AGTR1: variants seen among roughly 807,000 people sequenced by gnomAD.
AGTR1 encodes angiotensin II receptor type 1, also known as type-1 angiotensin II receptor.
In AGTR1, 16 loss-of-function variants were observed where a neutral mutation model predicts 19.4. That is an observed-to-expected ratio of 0.82 (90% CI 0.56 to 1.25). AGTR1 has a LOEUF of 1.25. Among genes scored for constraint, AGTR1 ranks in the 50% most tolerant of loss-of-function variants. The pLI, the probability that AGTR1 is intolerant of heterozygous loss-of-function variation, is 0.00. For synonymous variants in AGTR1, 153 were observed against 154.9 expected, an observed-to-expected ratio of 0.99 and a Z score of 0.09; for missense variants, 373 against 431.9, an observed-to-expected ratio of 0.86 and a Z score of 1.21.
At chr3:148,727,691 C>T (rs1714033277) in intron 2 of AGTR1, among the ~76,000 whole-genome samples, 2 of 152,178 alleles carry the variant, frequency 1.3e-5, no homozygotes, top group African/African-American at 2.4e-5. Context: ...TCCTACTAAG[C>T]ACCCAACACA....
At chr3:148,707,836 C>A (rs1712757532) in intron 1 of AGTR1, 108 bp from the exon 2 acceptor site, 1 of 152,042 alleles carries the variant, frequency 6.6e-6, no homozygotes, top group Non-Finnish European at 1.5e-5. Flanking sequence ...TGGTTTCACT[C>A]CCTTCAAAAA....
intron 2 of AGTR1, among the ~76,000 whole-genome samples, chr3:148,718,108 C>A (rs748251800): frequency 1.5e-4 from 23 of 152,098 alleles, no homozygotes; most frequent in Non-Finnish European, 2.5e-4. Context: ...CTTTTAGAGG[C>A]CTTACAGGGC....
chr3:148,740,032 T>G, intron 2 of AGTR1: 4 of 1,176,608 alleles, frequency 3.4e-6, no homozygotes, highest in Non-Finnish European at 4.3e-6. Flanking sequence ...GCAGAATGTG[T>G]TGATTTTCTA....
chr3:148,741,063 G>C lies in AGTR1; in HGVS notation c.28G>C (p.Gly10Arg), dbSNP rs201574073. Residue 10 changes from glycine to arginine, a missense_variant, in exon 3 of 3, where the codon GGT (glycine) becomes CGT (arginine). Transcript: ENST00000349243. MILNSSTED[G>R]IKRIQDDCPK... ...GATTCTCAACTCTTCTACTGAAGAT[G>C]GTATTAAAAGAATCCAAGATGATTG... 1.1e-5 allele frequency: 18 copies of C among 1,613,708 alleles called. No individual in the cohort carries two copies. The highest frequency in any genetic ancestry group is 1.6e-4 in the Middle Eastern group (1 of 6,062).
intron 2 of AGTR1, among the ~76,000 whole-genome samples, chr3:148,723,363 T>C (rs1713753653): frequency 1.3e-5 from 2 of 152,218 alleles, no homozygotes; most frequent in Non-Finnish European, 2.9e-5. Context: ...TATTTTAAAA[T>C]GTAAACTCCT....
intron 2 of AGTR1, among the ~76,000 whole-genome samples, chr3:148,726,214 ATTT>A (rs11390367): frequency 6.8e-6 from 1 of 147,090 alleles, no homozygotes; most frequent in African/African-American, 2.5e-5. Flanking sequence ...CAGTCTACTG[ATTT>A]TTTTTTTTTT....
intron 2 of AGTR1, among the ~76,000 whole-genome samples, chr3:148,722,627 A>G (rs1160397790): frequency 2.0e-5 from 3 of 151,960 alleles, no homozygotes; most frequent in African/African-American, 7.3e-5. Flanking sequence ...CACTCCCTTC[A>G]TGCACTGATA....
At chr3:148,704,769 A>T (rs1712572202) in intron 1 of AGTR1, among the ~76,000 whole-genome samples, 1 of 152,164 alleles carries the variant, frequency 6.6e-6, no homozygotes, top group African/African-American at 2.4e-5. Flanking sequence ...ATGTTGGTCA[A>T]AAGACAGGTG....
At chr3:148,738,477 A>G (rs930493629) in intron 2 of AGTR1, among the ~76,000 whole-genome samples, 1 of 152,132 alleles carries the variant, frequency 6.6e-6, no homozygotes, top group Non-Finnish European at 1.5e-5. Flanking sequence ...CCCTTTAATG[A>G]CTAATTAATT....
At chr3:148,729,128 A>C (rs535392827) in intron 2 of AGTR1, among the ~76,000 whole-genome samples, 1 of 152,322 alleles carries the variant, frequency 6.6e-6, no homozygotes, top group East Asian at 1.9e-4. Flanking sequence ...CAAAGTTGAC[A>C]GTTTCTGACT....
At position 148,738,309 on chromosome 3, in the gene AGTR1, G is replaced by A. The variant is rs567354732; in HGVS notation, c.-47-2680G>A. 1.9e-4 allele frequency among the ~76,000 whole-genome samples: 29 copies of A among 151,884 alleles called. 2 individuals are homozygous for A. In the South Asian group the frequency reaches 5.2e-3, roughly 27 times the overall value. On this transcript the variant is annotated intron_variant, in intron 2 of 2. Coordinates refer to ENST00000349243, the MANE Select transcript of AGTR1 (RefSeq NM_000685.5). ...ACCTCTGCCCTCATTTTCAGTTATGGAGTTCACTCAGGCCCTTTTCAACCT... is the reference window on the plus strand; with the variant it reads ...ACCTCTGCCCTCATTTTCAGTTATGAAGTTCACTCAGGCCCTTTTCAACCT...
At chr3:148,719,072 T>C (rs1465856663) in intron 2 of AGTR1, among the ~76,000 whole-genome samples, 1 of 152,200 alleles carries the variant, frequency 6.6e-6, no homozygotes, top group Non-Finnish European at 1.5e-5. Flanking sequence ...GTGTTATGTC[T>C]TGAGATTTTA....
intron 1 of AGTR1, among the ~76,000 whole-genome samples, chr3:148,703,666 C>T (rs970553856): frequency 3.9e-5 from 6 of 152,092 alleles, no homozygotes; most frequent in African/African-American, 1.4e-4. Context: ...CTGATACAGT[C>T]GAGATGTAAA....
At chr3:148,721,916 G>A (rs1196295937) in intron 2 of AGTR1, among the ~76,000 whole-genome samples, 1 of 152,152 alleles carries the variant, frequency 6.6e-6, no homozygotes, top group Non-Finnish European at 1.5e-5. Context: ...GGAGCATCAG[G>A]TAGCATACTC....
chr3:148,702,992 A>G (rs12721230), intron 1 of AGTR1, among the ~76,000 whole-genome samples: 18 of 152,318 alleles, frequency 1.2e-4, no homozygotes, highest in African/African-American at 4.1e-4. Flanking sequence ...ACAGTTTTTC[A>G]GTCTACAGCA....
intron 2 of AGTR1, among the ~76,000 whole-genome samples, chr3:148,711,556 A>T (rs1373539746): frequency 6.6e-6 from 1 of 152,166 alleles, no homozygotes; most frequent in Non-Finnish European, 1.5e-5. Context: ...TTTGTGCCTG[A>T]GTTTTTTTTT....
intron 2 of AGTR1, among the ~76,000 whole-genome samples, chr3:148,709,523 A>T (rs1316744216): frequency 6.6e-6 from 1 of 152,182 alleles, no homozygotes; most frequent in Non-Finnish European, 1.5e-5. Flanking sequence ...TCAAACCTTT[A>T]AGTTTCAGAT....
intron 2 of AGTR1, among the ~76,000 whole-genome samples, chr3:148,713,432 AC>A (rs1713115408): frequency 6.6e-6 from 1 of 152,094 alleles, no homozygotes; most frequent in South Asian, 2.1e-4. Flanking sequence ...AATTCATTTC[AC>A]AGGCAAGTTT....
At chr3:148,727,245 T>G (rs1426370493) in intron 2 of AGTR1, among the ~76,000 whole-genome samples, 1 of 152,222 alleles carries the variant, frequency 6.6e-6, no homozygotes, top group African/African-American at 2.4e-5. Context: ...GTCCTCTCTC[T>G]TTCTCTCTTC....
Sources: allele counts gnomAD v4.1 joint callset (sites outside exome capture counted in the v4.1 genomes callset), GRCh38; gene constraint gnomAD v4.1.1; transcripts MANE v1.5; gene names NCBI Gene and HGNC (gene_info 2026-07-23, HGNC 2026-07-21).